Variants in CACNG2 observed in about 807,000 individuals in gnomAD.
CACNG2 encodes calcium voltage-gated channel auxiliary subunit gamma 2.
In CACNG2, 3 loss-of-function variants were observed where a neutral mutation model predicts 25.9. That is an observed-to-expected ratio of 0.12 (90% confidence interval 0.05 to 0.30). CACNG2 has a LOEUF of 0.30. Ranked by LOEUF, CACNG2 falls within the 10% of genes least tolerant of loss-of-function variation. CACNG2 has a pLI of 1.00. For synonymous variants in CACNG2, 167 were observed against 173.3 expected, an observed-to-expected ratio of 0.96 and a Z score of 0.29; for missense variants, 341 against 432.5, an observed-to-expected ratio of 0.79 and a Z score of 1.88.
At chr22:36,592,064 T>C (rs1935604271) in intron 1 of CACNG2, among the ~76,000 whole-genome samples, 1 of 151,592 alleles carries the variant, frequency 6.6e-6, no homozygotes, top group African/African-American at 2.4e-5. Flanking sequence ...CTGGCCACAT[T>C]TGTGGCATGG....
chr22:36,586,585 T>A (rs1935505679), intron 2 of CACNG2, among the ~76,000 whole-genome samples: 1 of 152,148 alleles, frequency 6.6e-6, no homozygotes, highest in Non-Finnish European at 1.5e-5. Context: ...TATAATAAAA[T>A]GCCTCCTACA....
chr22:36,693,192 G>C (rs980626029), intron 1 of CACNG2, among the ~76,000 whole-genome samples: 2 of 152,138 alleles, frequency 1.3e-5, no homozygotes, highest in Non-Finnish European at 1.5e-5. Flanking sequence ...CTGTAGACAG[G>C]GTGGTCAGGA....
intron 2 of CACNG2, among the ~76,000 whole-genome samples, chr22:36,573,613 T>A (rs1935268248): frequency 6.6e-6 from 1 of 152,234 alleles, no homozygotes; most frequent in Admixed American, 6.5e-5. Context: ...AGTGCAGGCG[T>A]GAGCCACCAC....
Position 36,564,195 on chromosome 22 carries a change from G to T in CACNG2, c.*156C>A, listed in dbSNP as rs1280750154. The T allele has an allele frequency of 3.5e-6, 2 of 567,702 alleles. No homozygotes were observed. Among genetic ancestry groups the T allele is most frequent in the African/African-American group, 3.9e-5 (2 of 51,910 alleles). 35.2% of individuals were successfully genotyped at this position (567,702 alleles called of 1,614,324 possible). ...TGTTATGTTTTTTCTCTTTTTTTGT[G>T]TGTGTGTGTTTTTTTGTTTTTTGTT... On this transcript the variant is annotated 3_prime_UTR_variant, in exon 4 of 4. Transcript: ENST00000300105. The surrounding 1 kb of genome is among the most constrained non-coding windows in gnomAD (Gnocchi z 6.7).
intron 1 of CACNG2, among the ~76,000 whole-genome samples, chr22:36,692,543 A>G (rs1407700792): frequency 1.3e-5 from 2 of 152,210 alleles, no homozygotes; most frequent in Non-Finnish European, 2.9e-5. Context: ...CCTGCTTGTT[A>G]CCAAGCGTTT....
chr22:36,618,208 A>G (rs1936050686), intron 1 of CACNG2, among the ~76,000 whole-genome samples: 1 of 152,168 alleles, frequency 6.6e-6, no homozygotes, highest in African/African-American at 2.4e-5. Context: ...TCTTCCCAAG[A>G]GGAACTTGCC....
rs192794706 is a variant in CACNG2, at chr22:36,630,008, C to T, written c.212-42460G>A. Among the ~76,000 whole-genome samples, 17 of 152,186 alleles carry T rather than the reference C, an allele frequency of 1.1e-4. 1 individual carries two copies. Among genetic ancestry groups the T allele is most frequent in the Admixed American group, 9.8e-4 (15 of 15,280 alleles). On this transcript the variant is annotated intron_variant, in intron 1 of 3. Coordinates refer to ENST00000300105, the MANE Select transcript of CACNG2 (RefSeq NM_006078.5). ...CCCCCTGCATCAGTCATGCAAAGCC[C>T]GGGGAAGTGCATTTTGGGGAGAGGG...
At chr22:36,678,240 G>C (rs565356800) in intron 1 of CACNG2, among the ~76,000 whole-genome samples, 1 of 152,244 alleles carries the variant, frequency 6.6e-6, no homozygotes, top group African/African-American at 2.4e-5. Flanking sequence ...ATGACACCCC[G>C]TCCTGGCTGA....
At chr22:36,669,349 A>G (rs192462647) in intron 1 of CACNG2, among the ~76,000 whole-genome samples, 7 of 123,164 alleles carry the variant, frequency 5.7e-5, no homozygotes, top group African/African-American at 2.6e-4. Flanking sequence ...TAAAAATACG[A>G]AAAAAAAAAT....
chr22:36,686,270 C>A (rs1937195698), intron 1 of CACNG2, among the ~76,000 whole-genome samples: 1 of 152,194 alleles, frequency 6.6e-6, no homozygotes, highest in African/African-American at 2.4e-5. Flanking sequence ...GCTGCCACAA[C>A]CCTCCTCAGA....
intron 1 of CACNG2, among the ~76,000 whole-genome samples, chr22:36,605,750 C>T (rs1367894741): frequency 1.3e-5 from 2 of 152,180 alleles, no homozygotes; most frequent in Non-Finnish European, 2.9e-5. Flanking sequence ...GGTCGGGGCA[C>T]AGATAGATCA....
At chr22:36,591,251 G>A (rs967863831) in intron 1 of CACNG2, among the ~76,000 whole-genome samples, 2 of 151,788 alleles carry the variant, frequency 1.3e-5, no homozygotes, top group African/African-American at 2.4e-5. Context: ...CTGTGGTCTC[G>A]ATCTCCTGAC....
rs1327378024 is a variant in CACNG2 at position 36,564,880 on chromosome 22, C to T, written c.443G>A (p.Ser148Asn). ...AGIFFVSAGL[S>N]NIIGIIVYIS... ...GTACACTATGATGCCAATGATGTTA[C>T]TCAGACCTGCGGGGCGCAGGGTGGC... Residue 148 changes from serine (S) to asparagine (N), a missense_variant, in exon 4 of 4, where the codon AGT becomes AAT. Ser to Asn is a conservative substitution (Grantham distance 46). This residue lies in a region of CACNG2 where 169 missense variants were observed against 254.4 expected (regional missense o/e 0.66). Coordinates refer to ENST00000300105, the MANE Select transcript of CACNG2 (RefSeq NM_006078.5). This position sits in a 1 kb window ranked among gnomAD's most constrained non-coding sequence, Gnocchi z 6.7. 1.9e-6 allele frequency: 3 copies of T among 1,612,524 alleles called. No individual in the cohort carries two copies. Among genetic ancestry groups the T allele is most frequent in the Admixed American group, 1.7e-5 (1 of 60,004 alleles).
intron 2 of CACNG2, among the ~76,000 whole-genome samples, chr22:36,583,422 G>A (rs1377707745): frequency 2.8e-5 from 4 of 143,280 alleles, no homozygotes; most frequent in African/African-American, 5.3e-5. Flanking sequence ...GACAGAGCAA[G>A]ATTCCGTCTC....
At chr22:36,588,492 G>C (rs564798111) in intron 1 of CACNG2, among the ~76,000 whole-genome samples, 1 of 152,332 alleles carries the variant, frequency 6.6e-6, no homozygotes, top group East Asian at 1.9e-4. Flanking sequence ...TGACAGCAGA[G>C]ACTTTGTTTC....
At chr22:36,592,131 A>G (rs1284460507) in intron 1 of CACNG2, among the ~76,000 whole-genome samples, 1 of 151,474 alleles carries the variant, frequency 6.6e-6, no homozygotes, top group East Asian at 1.9e-4. Context: ...GGTGAGTGCA[A>G]CAGGGAGAGG....
chr22:36,630,823 A>G (rs1261776789), intron 1 of CACNG2, among the ~76,000 whole-genome samples: 1 of 151,952 alleles, frequency 6.6e-6, no homozygotes, highest in African/African-American at 2.4e-5. Flanking sequence ...ATGTGGACAG[A>G]TTCTTGAGCT....
chr22:36,565,198 T>C (rs1422211838), intron 3 of CACNG2, among the ~76,000 whole-genome samples: 1 of 152,244 alleles, frequency 6.6e-6, no homozygotes, highest in African/African-American at 2.4e-5. Context: ...CTTCTCTACC[T>C]GCTTTCACTG....
intron 1 of CACNG2, among the ~76,000 whole-genome samples, chr22:36,673,859 C>G (rs1214949391): frequency 6.6e-6 from 1 of 152,034 alleles, no homozygotes; most frequent in Non-Finnish European, 1.5e-5. Flanking sequence ...CTACTTGTCA[C>G]TTCCAGGAAG....
Sources: gnomAD v4.1 joint callset for allele counts (sites outside exome capture counted in the v4.1 genomes callset) on GRCh38, gnomAD v4.1.1 for gene constraint, gnomAD v4.1.1 regional missense constraint, Gnocchi (gnomAD v3.1) non-coding constraint, MANE v1.5 for transcripts, NCBI Gene and HGNC (gene_info 2026-07-23, HGNC 2026-07-21) for gene names.